FHIP1A: variants seen among roughly 807,000 people sequenced by gnomAD.
FHIP1A encodes FHF complex subunit HOOK interacting protein 1A.
A neutral mutation model predicts 88.6 loss-of-function variants in FHIP1A; 61 were observed. The observed-to-expected ratio is 0.69, with a 90% CI of 0.56 to 0.85. FHIP1A has a LOEUF of 0.85. FHIP1A is among the 40% of genes least tolerant of loss of function. The pLI, the probability that FHIP1A is intolerant of heterozygous loss-of-function variation, is 0.00. For missense variants in FHIP1A, 1,154 were observed against 1,273.5 expected (o/e 0.91, Z 1.43); for synonymous variants, 478 against 496.0 (o/e 0.96, Z 0.48).
chr4:151,471,126 G>A (rs1440818849), intron 2 of FHIP1A, among the ~76,000 whole-genome samples: 1 of 152,034 alleles, frequency 6.6e-6, no homozygotes, highest in African/African-American at 2.4e-5. Flanking sequence ...GAACTCCAGG[G>A]CCATTTACCA....
At chr4:151,503,682 A>G (rs1730729244) in intron 3 of FHIP1A, among the ~76,000 whole-genome samples, 1 of 152,240 alleles carries the variant, frequency 6.6e-6, no homozygotes, top group Non-Finnish European at 1.5e-5. Flanking sequence ...TTACAATCCC[A>G]CAAATGAAAA....
intron 3 of FHIP1A, among the ~76,000 whole-genome samples, chr4:151,495,585 CTA>C (rs1242580377): frequency 6.7e-6 from 1 of 149,790 alleles, no homozygotes; most frequent in African/African-American, 2.5e-5. Context: ...CATGTTGGTG[CTA>C]TGAGTGATTT....
At chr4:151,618,233 T>C (rs1735615323) in intron 7 of FHIP1A, among the ~76,000 whole-genome samples, 1 of 152,250 alleles carries the variant, frequency 6.6e-6, no homozygotes, top group African/African-American at 2.4e-5. Flanking sequence ...GTGTTGGTTA[T>C]GCTGGAAAAT....
rs141452040 is a variant in FHIP1A at position 151,650,553 on chromosome 4, A to T, written c.2512A>T (p.Ser838Cys). 8.9e-5 allele frequency: 138 copies of T among 1,551,262 alleles called. No individual in the cohort carries two copies. In the East Asian group the frequency reaches 2.9e-3, roughly 32 times the overall value. ...GGGGAGAGATGAGGCTGCCTTTGCCAGTCGCCATCCCGTGAGGACTCAAAG... is the reference window on the plus strand; with the variant it reads ...GGGGAGAGATGAGGCTGCCTTTGCCTGTCGCCATCCCGTGAGGACTCAAAG... ...FVGRDEAAFASRHPVRTQSTP... is the reference protein window; with the variant it reads ...FVGRDEAAFACRHPVRTQSTP... The change falls in exon 11 of 14, where the codon AGT becomes TGT. Residue 838 changes from serine (S) to cysteine (C), a missense_variant. Ser to Cys is a moderately radical substitution (Grantham distance 112). Transcript: ENST00000435205.
chr4:151,432,483 A>T (rs1733630035), intron 1 of FHIP1A, among the ~76,000 whole-genome samples: 1 of 152,210 alleles, frequency 6.6e-6, no homozygotes, highest in Admixed American at 6.5e-5. Flanking sequence ...TGAGGAAGAG[A>T]CAGACAATAA....
Position 151,524,122 on chromosome 4 carries a change from T to C in FHIP1A, c.-123+41474T>C, listed in dbSNP as rs183551123. Among the ~76,000 whole-genome samples the C allele has an allele frequency of 9.2e-3, 1,397 of 152,206 alleles. 19 individuals are homozygous for C. The highest frequency in any genetic ancestry group is 0.031 in the African/African-American group (1,305 of 41,530). On this transcript the variant is annotated intron_variant, in intron 3 of 13. Coordinates refer to ENST00000435205, the MANE Select transcript of FHIP1A (RefSeq NM_001109977.3). ...GTCAGGAGATCGAGACCATCCTGGCTAACACAGTGAAACCCTGTCTCTACA... is the reference window on the plus strand; with the variant it reads ...GTCAGGAGATCGAGACCATCCTGGCCAACACAGTGAAACCCTGTCTCTACA...
chr4:151,411,343 A>ATTCTTTTTGTT (rs370374898), intron 1 of FHIP1A, among the ~76,000 whole-genome samples: 7 of 112,180 alleles, frequency 6.2e-5, no homozygotes, highest in African/African-American at 2.6e-4. Flanking sequence ...GTGAAATTAT[A>ATTCTTTTTGTT]TATATATTTT....
rs574248334 is a variant in FHIP1A at position 151,601,895 on chromosome 4, G to T, written c.978+12969G>T. On this transcript the variant is annotated intron_variant, in intron 7 of 13. Coordinates refer to ENST00000435205, the MANE Select transcript of FHIP1A (RefSeq NM_001109977.3). Reference sequence around the variant, plus strand: ...AATGGACTCACAGTTTTACATGGGTGGGGAGGCCTCACAATCATGGTGGAA... The same window carrying T: ...AATGGACTCACAGTTTTACATGGGTTGGGAGGCCTCACAATCATGGTGGAA... Among the ~76,000 whole-genome samples, 4 of 152,062 alleles carry T rather than the reference G, an allele frequency of 2.6e-5. No individual in the cohort carries two copies. In the East Asian group the frequency reaches 5.8e-4, roughly 22 times the overall value.
At chr4:151,504,582 GTTA>G (rs1730761318) in intron 3 of FHIP1A, among the ~76,000 whole-genome samples, 1 of 125,524 alleles carries the variant, frequency 8.0e-6, no homozygotes, top group South Asian at 2.5e-4. Flanking sequence ...GTTATGTTAT[GTTA>G]TGTTATGTTA....
At chr4:151,424,049 C>T (rs911614533) in intron 1 of FHIP1A, among the ~76,000 whole-genome samples, 1 of 152,172 alleles carries the variant, frequency 6.6e-6, no homozygotes, top group Non-Finnish European at 1.5e-5. Flanking sequence ...CTCCACACCA[C>T]CTACACTTTC....
intron 3 of FHIP1A, among the ~76,000 whole-genome samples, chr4:151,527,148 G>A (rs1289553673): frequency 3.3e-5 from 5 of 152,284 alleles, no homozygotes; most frequent in South Asian, 4.1e-4. Flanking sequence ...CTGCAATCTC[G>A]GCACCCTGGG....
chr4:151,510,914 G>A lies in FHIP1A; in HGVS notation c.-123+28266G>A, dbSNP rs527445714. Reference sequence around the variant, plus strand: ...TTTATTGACTGTCCCATATGTGACAGATACCATACTAATCTCTAGAGATAA... The same window carrying A: ...TTTATTGACTGTCCCATATGTGACAAATACCATACTAATCTCTAGAGATAA... On this transcript the variant is annotated intron_variant, in intron 3 of 13. Transcript: ENST00000435205. Among the ~76,000 whole-genome samples the A allele has an allele frequency of 2.6e-5, 4 of 152,290 alleles. No individual in the cohort carries two copies. The South Asian group carries it at 8.3e-4, about 32-fold the overall frequency.
intron 3 of FHIP1A, among the ~76,000 whole-genome samples, chr4:151,524,025 T>C (rs1293402432): frequency 6.6e-6 from 1 of 152,174 alleles, no homozygotes; most frequent in Non-Finnish European, 1.5e-5. Flanking sequence ...AAAAATGTTA[T>C]TATTGGCCAG....
intron 2 of FHIP1A, among the ~76,000 whole-genome samples, chr4:151,472,990 T>G (rs938469577): frequency 1.3e-5 from 2 of 152,196 alleles, no homozygotes; most frequent in Non-Finnish European, 2.9e-5. Context: ...ATTGTACATT[T>G]CACCTTTCTC....
At chr4:151,476,246 A>G (rs892991111) in intron 2 of FHIP1A, among the ~76,000 whole-genome samples, 2 of 149,952 alleles carry the variant, frequency 1.3e-5, no homozygotes, top group African/African-American at 2.5e-5. Context: ...GGCTCAAGCA[A>G]TGCTCCCACC....
At chr4:151,548,492 A>T (rs1282287131) in intron 3 of FHIP1A, among the ~76,000 whole-genome samples, 2 of 152,240 alleles carry the variant, frequency 1.3e-5, no homozygotes, top group Non-Finnish European at 2.9e-5. Flanking sequence ...AACAGGTTGC[A>T]GTGAAAAAGC....
chr4:151,448,884 T>C (rs961109323), intron 1 of FHIP1A, among the ~76,000 whole-genome samples: 2 of 152,210 alleles, frequency 1.3e-5, no homozygotes, highest in African/African-American at 4.8e-5. Flanking sequence ...ACTGCCATAC[T>C]GTTTTCCTTA....
At chr4:151,651,903 T>A (rs1737043935) in intron 11 of FHIP1A, among the ~76,000 whole-genome samples, 1 of 152,228 alleles carries the variant, frequency 6.6e-6, no homozygotes, top group African/African-American at 2.4e-5. Context: ...TAAAATTCAA[T>A]CAGTCAGTCA....
intron 7 of FHIP1A, among the ~76,000 whole-genome samples, chr4:151,622,869 T>A (rs527525995): frequency 6.6e-6 from 1 of 152,172 alleles, no homozygotes; most frequent in Non-Finnish European, 1.5e-5. Context: ...ATTTGGGTAT[T>A]CAATAGTTAA....
Sources: gnomAD v4.1 joint callset for allele counts (sites outside exome capture counted in the v4.1 genomes callset) on GRCh38, gnomAD v4.1.1 for gene constraint, MANE v1.5 for transcripts, NCBI Gene and HGNC (gene_info 2026-07-23, HGNC 2026-07-21) for gene names.